Variants in MTMR3 observed in about 807,000 individuals in gnomAD.
MTMR3 encodes phosphatidylinositol-3,5-bisphosphate 3-phosphatase MTMR3.
MTMR3 carries 32 observed loss-of-function variants against 132.4 expected under a neutral mutation model. The ratio of observed to expected loss-of-function variants is 0.24; its 90% CI spans 0.18 to 0.32. The LOEUF (loss-of-function observed/expected upper bound fraction) is 0.32, where lower values mean the gene tolerates loss of function less well. MTMR3 is among the 10% of genes least tolerant of loss of function. The pLI, the probability that MTMR3 is intolerant of heterozygous loss-of-function variation, is 1.00. For missense variants in MTMR3, 1,216 were observed against 1,489.6 expected, an observed-to-expected ratio of 0.82 and a Z score of 3.02; for synonymous variants, 556 against 550.3, an observed-to-expected ratio of 1.01 and a Z score of -0.14.
intron 2 of MTMR3, among the ~76,000 whole-genome samples, chr22:29,966,459 G>T (rs1392811217): frequency 6.6e-6 from 1 of 152,086 alleles, no homozygotes; most frequent in Non-Finnish European, 1.5e-5. Flanking sequence ...GCTATTTAAA[G>T]AATAGGGGTT....
chr22:30,016,929 C>T (rs940624224), intron 15 of MTMR3: 43 of 477,548 alleles, frequency 9.0e-5, no homozygotes, highest in Non-Finnish European at 1.3e-4. Context: ...TAACACAGAT[C>T]TCTACTTTGC....
intron 1 of MTMR3, among the ~76,000 whole-genome samples, chr22:29,927,939 G>GTTTTTTTTTTTTTTTTTTTTTT (rs764629136): frequency 9.3e-6 from 1 of 107,382 alleles, no homozygotes; most frequent in Non-Finnish European, 1.8e-5. Flanking sequence ...TCTAGCCTTT[G>GTTTTTTTTTTTTTTTTTTTTTT]TTTTTTTTTT....
intron 1 of MTMR3, among the ~76,000 whole-genome samples, chr22:29,907,580 G>GT (rs1487738354): frequency 6.6e-6 from 1 of 152,082 alleles, no homozygotes; most frequent in African/African-American, 2.4e-5. Flanking sequence ...GAAAAGTTGA[G>GT]TTTTCTTTCC....
intron 1 of MTMR3, among the ~76,000 whole-genome samples, chr22:29,953,117 T>G (rs767483648): frequency 5.3e-5 from 8 of 152,254 alleles, no homozygotes; most frequent in Non-Finnish European, 1.2e-4. Flanking sequence ...AAGATTGTTT[T>G]AAAATTATTC....
intron 7 of MTMR3, chr22:29,997,747 T>C (rs2067090538): frequency 6.6e-6 from 1 of 152,206 alleles, no homozygotes; most frequent in Non-Finnish European, 1.5e-5. Context: ...TCTAAAAGGC[T>C]CTGGAAACCA....
chr22:29,917,061 G>T (rs1037123860), intron 1 of MTMR3, among the ~76,000 whole-genome samples: 15 of 152,186 alleles, frequency 9.9e-5, no homozygotes, highest in African/African-American at 3.4e-4. Context: ...CCACCAGCTG[G>T]TATTTACTAG....
At chr22:29,890,711 T>A (rs2064779952) in intron 1 of MTMR3, among the ~76,000 whole-genome samples, 1 of 152,108 alleles carries the variant, frequency 6.6e-6, no homozygotes, top group Non-Finnish European at 1.5e-5. Context: ...TTTGAAACAG[T>A]TTTCTGTTTC....
intron 1 of MTMR3, among the ~76,000 whole-genome samples, chr22:29,894,777 T>A (rs2064861816): frequency 6.6e-6 from 1 of 152,206 alleles, no homozygotes; most frequent in Non-Finnish European, 1.5e-5. Flanking sequence ...TTTAAGTGAT[T>A]AGAGCTTGTT....
At chr22:30,000,875 C>T (rs1216381028) in intron 8 of MTMR3, 2 of 152,128 alleles carry the variant, frequency 1.3e-5, no homozygotes, top group Non-Finnish European at 2.9e-5. Context: ...TACTGAAGAG[C>T]TGACTACTGG....
rs6006312 is a variant in MTMR3, at chr22:29,958,958, T to C, written c.-85+1870T>C. On this transcript the variant is annotated intron_variant, in intron 2 of 19. Transcript: ENST00000401950. ...TCTTGTTGATTTAGGTTACTGTTTTTTCCCCACTTTTCTGTATAGTGGAGG... is the reference window on the plus strand; with the variant it reads ...TCTTGTTGATTTAGGTTACTGTTTTCTCCCCACTTTTCTGTATAGTGGAGG... Among the ~76,000 whole-genome samples, 150 of 152,350 alleles carry C rather than the reference T, an allele frequency of 9.8e-4. 1 individual carries two copies. The highest frequency in any genetic ancestry group is 3.5e-3 in the African/African-American group (146 of 41,586).
Position 30,007,936 on chromosome 22 carries a change from T to A in MTMR3, c.913T>A (p.Leu305Ile), listed in dbSNP as rs2067309715. Reference protein sequence around the residue: ...SLSNASGAESLAIQPQKLLIL... With the variant: ...SLSNASGAESIAIQPQKLLIL... ...GTCAAATGCTTCAGGAGCAGAGAGTTTAGCCATCCAACCGCAGAAGCTTTT... is the reference window on the plus strand; with the variant it reads ...GTCAAATGCTTCAGGAGCAGAGAGTATAGCCATCCAACCGCAGAAGCTTTT... Residue 305 changes from leucine to isoleucine, a missense_variant, in exon 11 of 20, where the codon TTA becomes ATA. Physicochemically the swap from Leu to Ile is conservative, Grantham distance 5. This residue lies in a region of MTMR3 where 47 missense variants were observed against 46.8 expected (regional missense o/e 1.00). Coordinates refer to ENST00000401950, the MANE Select transcript of MTMR3 (RefSeq NM_021090.4). 2 of 1,613,602 alleles carry A rather than the reference T, an allele frequency of 1.2e-6. No individual in the cohort carries two copies. The highest frequency in any genetic ancestry group is 1.7e-6 in the Non-Finnish European group (2 of 1,180,004).
rs556057677 is a variant in MTMR3, at chr22:29,926,494, A to C, written c.-137-30542A>C. ...TCCCACAGTGGAGCTATACCATGTC[A>C]CATTCCTATCAGCAATTATTAGGAT... On this transcript the variant is annotated intron_variant, in intron 1 of 19. Coordinates refer to ENST00000401950, the MANE Select transcript of MTMR3 (RefSeq NM_021090.4). Among the ~76,000 whole-genome samples, 5 of 152,338 alleles carry C rather than the reference A, an allele frequency of 3.3e-5. No individual in the cohort carries two copies. The South Asian group carries it at 1.0e-3, about 32-fold the overall frequency.
At position 30,019,547 on chromosome 22, in the gene MTMR3, C is replaced by T. The variant is rs1489119014; in HGVS notation, c.1888C>T (p.Arg630Trp). 11 of 1,612,774 alleles carry T rather than the reference C, an allele frequency of 6.8e-6. No homozygotes were observed. The highest frequency in any genetic ancestry group is 1.7e-5 in the Admixed American group (1 of 60,014). The change falls in exon 17 of 20, where the codon CGG becomes TGG. Residue 630 changes from arginine to tryptophan, a missense_variant. By Grantham distance (101) the Arg-to-Trp change is moderately radical. Coordinates refer to ENST00000401950, the MANE Select transcript of MTMR3 (RefSeq NM_021090.4). ...TGACAACACAGTGCCTCTGGCCAGC[C>T]GGCGCTGCAGCGACCCCAGCCTGAA... Reference protein sequence around the residue: ...ACDNTVPLASRRCSDPSLNEK... With the variant: ...ACDNTVPLASWRCSDPSLNEK...
In MTMR3 at chr22:30,026,094, T is replaced by G; in HGVS notation, c.*293T>G. On this transcript the variant is annotated 3_prime_UTR_variant, in exon 20 of 20. Coordinates refer to ENST00000401950, the MANE Select transcript of MTMR3 (RefSeq NM_021090.4). ...AGACCAAGGGTTGCCAGGCCCACTG[T>G]AACTGCCGAGCTGCCTGCTGTCACG... is the stretch of plus-strand genomic sequence containing the variant. 3.2e-6 allele frequency: 1 copy of G among 317,228 alleles called. No individual in the cohort carries two copies. Among genetic ancestry groups the G allele is most frequent in the East Asian group, 5.8e-5 (1 of 17,168 alleles). The allele number at this position is 317,228 out of a possible 1,614,324, so 19.7% of individuals were successfully genotyped here.
intron 1 of MTMR3, among the ~76,000 whole-genome samples, chr22:29,897,343 G>A (rs982762119): frequency 1.2e-4 from 18 of 152,068 alleles, no homozygotes; most frequent in Admixed American, 1.1e-3. Flanking sequence ...CCAAAGTGCT[G>A]GGATTACAGG....
intron 2 of MTMR3, among the ~76,000 whole-genome samples, chr22:29,970,655 T>C (rs2066515431): frequency 6.6e-6 from 1 of 152,028 alleles, no homozygotes; most frequent in South Asian, 2.1e-4. Flanking sequence ...TTGATTTTAA[T>C]TGTTGCTTTA....
chr22:30,003,039 T>C, intron 9 of MTMR3, 46 bp downstream of exon 9: 1 of 1,440,498 alleles, frequency 6.9e-7, no homozygotes, highest in South Asian at 1.1e-5. Flanking sequence ...TGCTGCTGCC[T>C]GCTGCATATG....
Position 29,982,659 on chromosome 22 carries a change from A to G in MTMR3, c.210+3607A>G, listed in dbSNP as rs1455312278. ...TTTAAATAGCTACCTGATATCATAT[A>G]TTCTCTTTTAATTTCACAGCACATT... On this transcript the variant is annotated intron_variant, in intron 5 of 19. Transcript: ENST00000401950. 2.6e-5 allele frequency: 4 copies of G among 151,928 alleles called. No individual in the cohort carries two copies. In the East Asian group the frequency reaches 7.7e-4, roughly 29 times the overall value. The allele number at this position is 151,928 out of a possible 1,614,324, so 9.4% of individuals were successfully genotyped here. A position where few individuals can be genotyped will look rare whatever the true frequency, so the allele number is the denominator to read the frequency against.
At chr22:30,008,652 C>T (rs181051191) in intron 11 of MTMR3, 3 of 178,422 alleles carry the variant, frequency 1.7e-5, no homozygotes, top group African/African-American at 2.4e-5. Flanking sequence ...AATGTGTGAA[C>T]GCATTGTTCT....
Sources: allele counts gnomAD v4.1 joint callset (sites outside exome capture counted in the v4.1 genomes callset), GRCh38; gene constraint gnomAD v4.1.1; regional missense constraint gnomAD v4.1.1; transcripts MANE v1.5; gene names NCBI Gene and HGNC (gene_info 2026-07-23, HGNC 2026-07-21).